The following UTS2 variants were observed in gnomAD, a reference collection of about 807,000 sequenced individuals.
UTS2 encodes the protein urotensin 2.
In UTS2, 10 loss-of-function variants were observed where a neutral mutation model predicts 12.6. That is an observed-to-expected ratio of 0.80 (90% CI 0.49 to 1.35). UTS2 has a LOEUF of 1.35. Ranked by LOEUF, UTS2 falls within the 40% of genes most tolerant of loss-of-function variation. UTS2 has a pLI of 0.00. For synonymous variants in UTS2, 52 were observed against 50.0 expected (o/e 1.04, Z -0.17); for missense variants, 142 against 143.2 (o/e 0.99, Z 0.04).
the UTS2 span, among the ~76,000 whole-genome samples, chr1:7,874,531 T>A: frequency 1.3e-5 from 2 of 152,072 alleles, no homozygotes; most frequent in African/African-American, 4.8e-5. Flanking sequence ...TCTACACATG[T>A]CCTATAACCT....
the UTS2 span, among the ~76,000 whole-genome samples, chr1:7,902,944 T>C: frequency 1.9e-3 from 287 of 152,156 alleles, 3 homozygotes; most frequent in African/African-American, 6.6e-3. Context: ...TACTGCCCTC[T>C]TGTGGTAGAG....
At chr1:7,884,312 T>TC in the UTS2 span, among the ~76,000 whole-genome samples, 1 of 151,642 alleles carries the variant, frequency 6.6e-6, no homozygotes, top group Non-Finnish European at 1.5e-5. Context: ...ATTTTTTTTT[T>TC]TTTTTTTGAG....
At chr1:7,878,773 G>A in the UTS2 span, among the ~76,000 whole-genome samples, 1 of 152,048 alleles carries the variant, frequency 6.6e-6, no homozygotes, top group Non-Finnish European at 1.5e-5. Context: ...ATGCCTACAG[G>A]AAATTTACTT....
the UTS2 span, among the ~76,000 whole-genome samples, chr1:7,860,177 A>G: frequency 1.3e-5 from 2 of 152,194 alleles, no homozygotes; most frequent in Non-Finnish European, 2.9e-5. Context: ...GTTTATGTTC[A>G]GTGTCAGGTG....
chr1:7,899,057 T>C, the UTS2 span, among the ~76,000 whole-genome samples: 1 of 152,094 alleles, frequency 6.6e-6, no homozygotes, highest in African/African-American at 2.4e-5. Flanking sequence ...CAGGCACATC[T>C]TACATGGCCA....
intron 1 of UTS2, 62 bp from the exon 2 acceptor site, chr1:7,850,984 T>C: frequency 6.5e-7 from 1 of 1,544,676 alleles, no homozygotes; most frequent in Non-Finnish European, 8.9e-7. Context: ...TTTCTGTTCC[T>C]TGTGTCTTTG....
the UTS2 span, among the ~76,000 whole-genome samples, chr1:7,871,857 C>T: frequency 3.5e-4 from 53 of 150,446 alleles, 1 homozygote; most frequent in South Asian, 0.01. Context: ...ATCAACTGGC[C>T]GTTCCCCCAT....
At chr1:7,857,017 T>A (rs917364643), upstream of UTS2, among the ~76,000 whole-genome samples, 4 of 149,608 alleles carry the variant, frequency 2.7e-5, no homozygotes, top group African/African-American at 9.9e-5. Flanking sequence ...GCCGAGATCG[T>A]GCCATTGCAC....
the UTS2 span, among the ~76,000 whole-genome samples, chr1:7,883,876 T>G: frequency 6.6e-6 from 1 of 152,106 alleles, no homozygotes; most frequent in African/African-American, 2.4e-5. Context: ...GTTTTGCTCT[T>G]GTTGCTCAGC....
intron 2 of UTS2, among the ~76,000 whole-genome samples, chr1:7,850,284 G>C (rs1159584625): frequency 6.6e-6 from 1 of 152,028 alleles, no homozygotes; most frequent in Non-Finnish European, 1.5e-5. Context: ...GCTCAATTTT[G>C]TTTCCAGAAC....
In UTS2 at chr1:7,847,810, T is replaced by A. The variant is rs778971771; in HGVS notation, c.331A>T (p.Lys111Ter). The A allele has an allele frequency of 1.2e-6, 2 of 1,614,080 alleles. No homozygotes were observed. Among genetic ancestry groups the A allele is most frequent in the South Asian group, 2.2e-5 (2 of 91,072 alleles). ...AAGCAATCAGGAGTCTCACGTTTCT[T>A]GTATGGTTTCCAGATTCTGGCCAAA... ...HLLARIWKPY[K>*]KRETPDCFWK... Residue 111 changes from lysine to a stop codon, truncating the protein, a stop_gained, in exon 4 of 4, where the codon AAG (lysine) becomes TAG (stop). Transcript: ENST00000361696. LOFTEE classifies it high-confidence loss of function.
chr1:7,907,681 A>G, the UTS2 span, among the ~76,000 whole-genome samples: 2 of 151,938 alleles, frequency 1.3e-5, no homozygotes, highest in African/African-American at 2.4e-5. Context: ...CAAAATGTAA[A>G]TAACTAACTG....
chr1:7,907,903 T>A, the UTS2 span, among the ~76,000 whole-genome samples: 1 of 152,152 alleles, frequency 6.6e-6, no homozygotes, highest in East Asian at 1.9e-4. Flanking sequence ...GGCTAGCACC[T>A]GTAATCCCAG....
At chr1:7,880,302 C>T in the UTS2 span, among the ~76,000 whole-genome samples, 4 of 151,182 alleles carry the variant, frequency 2.6e-5, no homozygotes, top group Non-Finnish European at 4.4e-5. Context: ...AGAGCCAAAG[C>T]AGAACTAAAC....
the UTS2 span, among the ~76,000 whole-genome samples, chr1:7,875,035 G>A: frequency 2.0e-5 from 3 of 149,512 alleles, no homozygotes; most frequent in African/African-American, 7.4e-5. Flanking sequence ...GCCCAGTCTC[G>A]GGTATTTCTT....
chr1:7,893,411 G>A, the UTS2 span, among the ~76,000 whole-genome samples: 1 of 152,110 alleles, frequency 6.6e-6, no homozygotes, highest in African/African-American at 2.4e-5. Context: ...TGAGGTGGGA[G>A]GATGACTTGA....
the UTS2 span, among the ~76,000 whole-genome samples, chr1:7,860,714 A>T: frequency 1.3e-5 from 2 of 151,724 alleles, no homozygotes; most frequent in Non-Finnish European, 2.9e-5. Context: ...GATTACAGGC[A>T]TGAGCCACCA....
At chr1:7,865,558 T>C in the UTS2 span, among the ~76,000 whole-genome samples, 113,226 of 134,534 alleles carry the variant, frequency 0.84, 48,572 homozygotes, top group South Asian at 0.91. Context: ...TCCTAATTGC[T>C]TCTTCTCATA....
At chr1:7,892,296 C>T in the UTS2 span, among the ~76,000 whole-genome samples, 1 of 152,138 alleles carries the variant, frequency 6.6e-6, no homozygotes, top group South Asian at 2.1e-4. Context: ...CGAGCGGTCA[C>T]CTGGGCTTCC....
Sources: allele counts gnomAD v4.1 joint callset (sites outside exome capture counted in the v4.1 genomes callset), GRCh38; gene constraint gnomAD v4.1.1; transcripts MANE v1.5; gene names NCBI Gene and HGNC (gene_info 2026-07-23, HGNC 2026-07-21).